Variants in DPP8 observed in about 807,000 individuals in gnomAD.
The protein encoded by DPP8 is DPP VIII.
In DPP8, 31 loss-of-function variants were observed where a neutral mutation model predicts 107.5. The ratio of observed to expected loss-of-function variants is 0.29; its 90% CI spans 0.22 to 0.39. The LOEUF (loss-of-function observed/expected upper bound fraction) is 0.39, where lower values mean the gene tolerates loss of function less well. Among genes scored for constraint, DPP8 ranks in the 10% least tolerant of loss-of-function variants. DPP8 has a pLI of 1.00. For synonymous variants in DPP8, 381 were observed against 356.6 expected, an observed-to-expected ratio of 1.07 and a Z score of -0.77; for missense variants, 842 against 1,076.1, an observed-to-expected ratio of 0.78 and a Z score of 3.04.
chr15:65,484,517 T>G (rs2067221128), intron 8 of DPP8, among the ~76,000 whole-genome samples: 1 of 152,068 alleles, frequency 6.6e-6, no homozygotes. Flanking sequence ...GTATTACATG[T>G]GAGTTATATA....
intron 17 of DPP8, among the ~76,000 whole-genome samples, chr15:65,453,407 A>G (rs984826198): frequency 6.6e-6 from 1 of 152,200 alleles, no homozygotes; most frequent in Non-Finnish European, 1.5e-5. Context: ...AGATTTAAAC[A>G]TTATACATGT....
chr15:65,474,538 C>T (rs2066209914), intron 11 of DPP8, among the ~76,000 whole-genome samples: 1 of 152,136 alleles, frequency 6.6e-6, no homozygotes, highest in Admixed American at 6.6e-5. Flanking sequence ...TGGAGTGCAG[C>T]GGCATGATCA....
At position 65,478,871 on chromosome 15, in the gene DPP8, A is replaced by T; in HGVS notation, c.1456+9T>A. On this transcript the variant is annotated intron_variant, in intron 11 of 19. Transcript: ENST00000300141. ...TTTTTCTTTTTTTAAAATAAAATGG[A>T]TTTCTTACTTGGAGCAGGCAGCCCA... is the stretch of plus-strand genomic sequence containing the variant. The T allele has an allele frequency of 1.3e-6, 2 of 1,549,688 alleles. No individual in the cohort carries two copies. Among genetic ancestry groups the T allele is most frequent in the Non-Finnish European group, 1.7e-6 (2 of 1,154,238 alleles).
At chr15:65,482,032 G>A (rs144248686) in intron 8 of DPP8, among the ~76,000 whole-genome samples, 7,001 of 150,144 alleles carry the variant, frequency 0.047, 560 homozygotes, top group African/African-American at 0.16. Flanking sequence ...GTGTGTGTGT[G>A]TATATATATA....
chr15:65,452,856 C>T (rs1158785501), intron 17 of DPP8, among the ~76,000 whole-genome samples: 1 of 151,876 alleles, frequency 6.6e-6, no homozygotes, highest in Non-Finnish European at 1.5e-5. Flanking sequence ...CCTTTAATCC[C>T]AGTTACTTGG....
intron 14 of DPP8, among the ~76,000 whole-genome samples, chr15:65,465,020 A>G (rs2065220220): frequency 6.6e-6 from 1 of 152,188 alleles, no homozygotes; most frequent in South Asian, 2.1e-4. Context: ...TTGGTTCACC[A>G]AAGCTATACA....
intron 1 of DPP8, chr15:65,515,944 C>A: frequency 2.1e-6 from 1 of 473,552 alleles, no homozygotes; most frequent in Non-Finnish European, 3.7e-6. Flanking sequence ...TTTGTATCTG[C>A]GTTTTATGTT....
intron 4 of DPP8, among the ~76,000 whole-genome samples, chr15:65,498,283 A>G (rs390696): frequency 0.94 from 142,956 of 152,160 alleles, 67,156 homozygotes; most frequent in Admixed American, 0.96. Flanking sequence ...TTAGCTGGGC[A>G]TAGTGGTGGG....
chr15:65,503,423 G>A (rs1314070863), intron 3 of DPP8, among the ~76,000 whole-genome samples: 2 of 150,670 alleles, frequency 1.3e-5, no homozygotes, highest in Non-Finnish European at 3.0e-5. Context: ...TTTCTTTATT[G>A]TTGATTACTT....
chr15:65,507,463 T>A, intron 2 of DPP8, 108 bp from the exon 3 acceptor site: 1 of 606,282 alleles, frequency 1.6e-6, no homozygotes, highest in Non-Finnish European at 2.8e-6. Flanking sequence ...TTTTGCACTC[T>A]ATGGGATATA....
At chr15:65,482,486 T>C (rs2067019632) in intron 8 of DPP8, among the ~76,000 whole-genome samples, 1 of 152,128 alleles carries the variant, frequency 6.6e-6, no homozygotes, top group East Asian at 1.9e-4. Flanking sequence ...TTCACCATGT[T>C]GGCCAGGCTG....
chr15:65,481,760 T>C (rs2066946757), intron 8 of DPP8, 145 bp from the exon 9 acceptor site: 2 of 507,194 alleles, frequency 3.9e-6, no homozygotes, highest in Non-Finnish European at 6.8e-6. Context: ...ATAGCAAATC[T>C]AGAAGTAAAT....
At chr15:65,495,876 T>C (rs2068538875) in intron 5 of DPP8, among the ~76,000 whole-genome samples, 1 of 152,128 alleles carries the variant, frequency 6.6e-6, no homozygotes, top group South Asian at 2.1e-4. Flanking sequence ...AGTAAGACTC[T>C]GTCTCAAAAA....
intron 7 of DPP8, among the ~76,000 whole-genome samples, chr15:65,486,309 G>A (rs1430654445): frequency 6.6e-6 from 1 of 151,944 alleles, no homozygotes; most frequent in African/African-American, 2.4e-5. Context: ...GGCTGAGGCA[G>A]GAGAATCACT....
chr15:65,476,081 A>C (rs982030673), intron 11 of DPP8, among the ~76,000 whole-genome samples: 26 of 152,292 alleles, frequency 1.7e-4, no homozygotes, highest in South Asian at 8.3e-4. Flanking sequence ...TTCTGTCTTG[A>C]TGAGGCTCTC....
intron 5 of DPP8, among the ~76,000 whole-genome samples, chr15:65,493,101 TA>T (rs2068207095): frequency 6.6e-6 from 1 of 152,030 alleles, no homozygotes; most frequent in Admixed American, 6.6e-5. Context: ...TCTTTTTTTT[TA>T]GACGGAGTTT....
At chr15:65,504,055 C>T (rs764072910) in intron 3 of DPP8, among the ~76,000 whole-genome samples, 17 of 151,858 alleles carry the variant, frequency 1.1e-4, no homozygotes, top group Non-Finnish European at 1.8e-4. Flanking sequence ...AGCTACTGTG[C>T]CTGGCCCTTT....
chr15:65,467,488 A>G (rs2065465833), intron 12 of DPP8, among the ~76,000 whole-genome samples: 1 of 151,992 alleles, frequency 6.6e-6, no homozygotes, highest in South Asian at 2.1e-4. Flanking sequence ...CTGAAGCTAT[A>G]CTCTCACCCC....
intron 2 of DPP8, among the ~76,000 whole-genome samples, chr15:65,511,724 C>A (rs550688083): frequency 2.0e-4 from 10 of 49,464 alleles, no homozygotes; most frequent in Non-Finnish European, 2.5e-4. Flanking sequence ...CATACACACA[C>A]CACACACACA....
Sources: gnomAD v4.1 joint callset for allele counts (sites outside exome capture counted in the v4.1 genomes callset) on GRCh38, gnomAD v4.1.1 for gene constraint, MANE v1.5 for transcripts, NCBI Gene and HGNC (gene_info 2026-07-23, HGNC 2026-07-21) for gene names.